Variants in SAMMSON observed in about 807,000 individuals in gnomAD.
The protein encoded by SAMMSON is survival associated mitochondrial melanoma specific oncogenic non-coding RNA.
At chr3:70,065,281 G>A (rs1012775399) in intron 3 of SAMMSON, 3 of 152,078 alleles carry the variant, frequency 2.0e-5, no homozygotes, top group Non-Finnish European at 2.9e-5. Context: ...AAGGATACGG[G>A]GAGATAATTA....
chr3:70,240,142 TAA>T (rs1412788632), intron 4 of SAMMSON, among the ~76,000 whole-genome samples: 1 of 152,066 alleles, frequency 6.6e-6, no homozygotes, highest in African/African-American at 2.4e-5. Context: ...ATTTTTAAAA[TAA>T]GAGACGTATT....
chr3:70,080,473 A>T (rs1420484482), intron 4 of SAMMSON, among the ~76,000 whole-genome samples: 1 of 152,150 alleles, frequency 6.6e-6, no homozygotes, highest in Non-Finnish European at 1.5e-5. Flanking sequence ...ATGAACAAAT[A>T]CATGTATAGA....
intron 7 of SAMMSON, among the ~76,000 whole-genome samples, chr3:70,302,103 T>C (rs1559558508): frequency 6.6e-6 from 1 of 152,156 alleles, no homozygotes; most frequent in Non-Finnish European, 1.5e-5. Flanking sequence ...TTTCTTGAAG[T>C]TATACGCTGG....
intron 7 of SAMMSON, among the ~76,000 whole-genome samples, chr3:70,316,295 C>T (rs1201098213): frequency 6.6e-6 from 1 of 152,030 alleles, no homozygotes; most frequent in East Asian, 1.9e-4. Context: ...TTTAAAATAT[C>T]ACATTATCAC....
chr3:70,113,850 A>G (rs1428522013), intron 4 of SAMMSON, among the ~76,000 whole-genome samples: 3 of 151,992 alleles, frequency 2.0e-5, no homozygotes, highest in Non-Finnish European at 2.9e-5. Context: ...GGATGAGACC[A>G]GGACTGTCTC....
chr3:70,410,224 G>A (rs2287317), intron 2 of SAMMSON, among the ~76,000 whole-genome samples: 36,652 of 151,960 alleles, frequency 0.24, 4,613 homozygotes, highest in East Asian at 0.31. Context: ...TTGTGAATCC[G>A]TTCTACAATC....
intron 2 of SAMMSON, among the ~76,000 whole-genome samples, chr3:70,433,182 C>A (rs1297692443): frequency 5.9e-5 from 9 of 152,152 alleles, no homozygotes; most frequent in Non-Finnish European, 1.0e-4. Context: ...TACCAAGGAG[C>A]ATATTTGCTG....
intron 9 of SAMMSON, among the ~76,000 whole-genome samples, chr3:70,375,291 A>T (rs1703004384): frequency 1.3e-5 from 2 of 152,048 alleles, no homozygotes; most frequent in East Asian, 3.9e-4. Flanking sequence ...TAGAGGTGAT[A>T]GCTTCATCAC....
At chr3:70,317,219 C>T (rs563641866) in intron 7 of SAMMSON, among the ~76,000 whole-genome samples, 2 of 152,100 alleles carry the variant, frequency 1.3e-5, no homozygotes, top group East Asian at 1.9e-4. Context: ...CACAGGCTTA[C>T]AGGCATATCT....
At chr3:70,251,132 T>G (rs1272586351) in intron 6 of SAMMSON, among the ~76,000 whole-genome samples, 1 of 152,202 alleles carries the variant, frequency 6.6e-6, no homozygotes, top group Admixed American at 6.5e-5. Flanking sequence ...TGTGGTTAAT[T>G]GTAATTCCAT....
At chr3:70,024,646 C>A (rs1194511261) in intron 3 of SAMMSON, among the ~76,000 whole-genome samples, 3 of 152,192 alleles carry the variant, frequency 2.0e-5, no homozygotes, top group Non-Finnish European at 4.4e-5. Context: ...AAGATACTTA[C>A]ATGGAAGAGG....
intron 4 of SAMMSON, among the ~76,000 whole-genome samples, chr3:70,188,376 G>A (rs1701107336): frequency 6.6e-6 from 1 of 152,154 alleles, no homozygotes; most frequent in African/African-American, 2.4e-5. Flanking sequence ...ATTAATGGCT[G>A]TTTATACAGC....
intron 7 of SAMMSON, among the ~76,000 whole-genome samples, chr3:70,318,747 C>G (rs1161716365): frequency 6.6e-6 from 1 of 151,902 alleles, no homozygotes; most frequent in East Asian, 1.9e-4. Flanking sequence ...ATGCTGTGTT[C>G]TTTTTAGAGG....
chr3:70,040,988 C>A (rs1194245344), intron 3 of SAMMSON, among the ~76,000 whole-genome samples: 1 of 152,090 alleles, frequency 6.6e-6, no homozygotes, highest in Non-Finnish European at 1.5e-5. Context: ...GACTGCTAAA[C>A]TCTCAGCGAG....
intron 4 of SAMMSON, among the ~76,000 whole-genome samples, chr3:70,179,191 C>G (rs1010983800): frequency 6.6e-6 from 1 of 152,156 alleles, no homozygotes; most frequent in Non-Finnish European, 1.5e-5. Context: ...TGGAAGGGCT[C>G]TCAGAATTAT....
chr3:70,268,645 C>A (rs892436292), intron 6 of SAMMSON, among the ~76,000 whole-genome samples: 1 of 152,108 alleles, frequency 6.6e-6, no homozygotes, highest in Non-Finnish European at 1.5e-5. Flanking sequence ...CTTTCTTTGT[C>A]AAACCATTAA....
intron 3 of SAMMSON, among the ~76,000 whole-genome samples, chr3:70,028,845 T>C (rs1021292572): frequency 1.3e-5 from 2 of 152,246 alleles, no homozygotes; most frequent in Admixed American, 1.3e-4. Flanking sequence ...ATGATAATGA[T>C]AGTAGTAAGA....
chr3:70,062,270 C>T (rs911952768), intron 3 of SAMMSON, among the ~76,000 whole-genome samples: 1 of 152,074 alleles, frequency 6.6e-6, no homozygotes, highest in Non-Finnish European at 1.5e-5. Flanking sequence ...CCATGGCATG[C>T]TCTTTCTCCT....
intron 3 of SAMMSON, among the ~76,000 whole-genome samples, chr3:70,015,935 T>C (rs1295783020): frequency 2.0e-5 from 3 of 152,216 alleles, no homozygotes; most frequent in Non-Finnish European, 2.9e-5. Context: ...GGTGTATATG[T>C]GCCACATTTT....
Sources: allele counts gnomAD v4.1 joint callset (sites outside exome capture counted in the v4.1 genomes callset), GRCh38; gene constraint gnomAD v4.1.1; transcripts MANE v1.5; gene names NCBI Gene and HGNC (gene_info 2026-07-23, HGNC 2026-07-21).